Variants in HRH2 observed in about 807,000 individuals in gnomAD.
HRH2 encodes the protein histamine H2 receptor.
A neutral mutation model predicts 20.1 loss-of-function variants in HRH2; 4 were observed. That is an observed-to-expected ratio of 0.20 (90% CI 0.10 to 0.45). The LOEUF (loss-of-function observed/expected upper bound fraction) is 0.45, where lower values mean the gene tolerates loss of function less well. Ranked by LOEUF, HRH2 falls within the 20% of genes least tolerant of loss-of-function variation. HRH2 has a pLI of 0.99. For missense variants in HRH2, 250 were observed against 461.6 expected, an observed-to-expected ratio of 0.54 and a Z score of 4.20; for synonymous variants, 197 against 200.7, an observed-to-expected ratio of 0.98 and a Z score of 0.16.
intron 2 of HRH2, among the ~76,000 whole-genome samples, chr5:175,700,679 T>C (rs1221151050): frequency 1.3e-5 from 2 of 152,072 alleles, no homozygotes; most frequent in Non-Finnish European, 2.9e-5. Context: ...ACAAGGTCAG[T>C]TCGAGACCAG....
At position 175,710,493 on chromosome 5, in the gene HRH2, T is replaced by G. The variant is rs998139173; in HGVS notation, c.*2522T>G. 1 of 152,258 alleles carries G rather than the reference T, an allele frequency of 6.6e-6. No individual in the cohort carries two copies. Among genetic ancestry groups the G allele is most frequent in the African/African-American group, 2.4e-5 (1 of 41,456 alleles). 9.4% of individuals were successfully genotyped at this position (152,258 alleles called of 1,614,324 possible). A position where few individuals can be genotyped will look rare whatever the true frequency, so the allele number is the denominator to read the frequency against. ...GGCAGGTCTCTCAGTCACGGCCACA[T>G]GACCTCAAGTGAAAACAAACCAGTC... On this transcript the variant is annotated 3_prime_UTR_variant, in exon 3 of 3. Coordinates refer to ENST00000636584, the MANE Select transcript of HRH2 (RefSeq NM_001367711.1).
At chr5:175,701,952 G>A (rs1756800625) in intron 2 of HRH2, among the ~76,000 whole-genome samples, 1 of 152,228 alleles carries the variant, frequency 6.6e-6, no homozygotes, top group Non-Finnish European at 1.5e-5. Context: ...GGTTGAAGAA[G>A]ATTAAACCTA....
intron 1 of HRH2, among the ~76,000 whole-genome samples, chr5:175,661,221 C>A (rs1447404968): frequency 6.6e-6 from 1 of 152,104 alleles, no homozygotes; most frequent in African/African-American, 2.4e-5. Context: ...CCACAGTTTA[C>A]AGGTATGCTC....
intron 2 of HRH2, among the ~76,000 whole-genome samples, chr5:175,702,167 G>A (rs190057468): frequency 1.0e-3 from 157 of 152,106 alleles, no homozygotes; most frequent in South Asian, 2.9e-3. Flanking sequence ...AAAATGCCTC[G>A]GATAATCACT....
intron 1 of HRH2, among the ~76,000 whole-genome samples, chr5:175,668,084 A>G (rs1441856354): frequency 6.6e-6 from 1 of 152,148 alleles, no homozygotes; most frequent in African/African-American, 2.4e-5. Context: ...CCAGGTGCTG[A>G]AAAGCCATGG....
intron 1 of HRH2, among the ~76,000 whole-genome samples, chr5:175,661,439 A>G (rs1475503868): frequency 6.6e-6 from 1 of 152,210 alleles, no homozygotes; most frequent in African/African-American, 2.4e-5. Flanking sequence ...CTATGTTCCC[A>G]TGATAACCCT....
intron 1 of HRH2, among the ~76,000 whole-genome samples, chr5:175,675,709 A>C (rs17572869): frequency 0.027 from 4,073 of 152,312 alleles, 73 homozygotes; most frequent in Non-Finnish European, 0.039. Context: ...ACTCCTAAGC[A>C]TGAGCTAGTC....
intron 1 of HRH2, among the ~76,000 whole-genome samples, chr5:175,674,340 A>G (rs908528789): frequency 2.0e-5 from 3 of 152,190 alleles, no homozygotes; most frequent in Non-Finnish European, 4.4e-5. Flanking sequence ...GAACATGACA[A>G]TCTCGCTATG....
chr5:175,660,094 C>A (rs914734628), intron 1 of HRH2, among the ~76,000 whole-genome samples: 8 of 152,128 alleles, frequency 5.3e-5, no homozygotes, highest in Admixed American at 5.2e-4. Flanking sequence ...GCGATGCGTC[C>A]GTGGGAAAAA....
chr5:175,673,704 T>G lies in HRH2; in HGVS notation c.-525-9005T>G, dbSNP rs191090316. Among the ~76,000 whole-genome samples the G allele has an allele frequency of 4.0e-3, 606 of 151,818 alleles. 3 individuals carry two copies. Among genetic ancestry groups the G allele is most frequent in the Middle Eastern group, 6.8e-3 (2 of 294 alleles). ...ATGTGAATTTCACCTCAGTTTTTTT[T>G]TTTTGTTTTTTTTTTTTTTGACGGA... is the stretch of plus-strand genomic sequence containing the variant. On this transcript the variant is annotated intron_variant, in intron 1 of 2. Transcript: ENST00000636584.
intron 1 of HRH2, among the ~76,000 whole-genome samples, chr5:175,666,039 C>T (rs1395015641): frequency 6.6e-6 from 1 of 152,214 alleles, no homozygotes; most frequent in Non-Finnish European, 1.5e-5. Context: ...TGGCACTGAG[C>T]CCATAGTGGC....
chr5:175,692,602 AT>A (rs948766377), intron 2 of HRH2, among the ~76,000 whole-genome samples: 17 of 151,992 alleles, frequency 1.1e-4, no homozygotes, highest in South Asian at 2.1e-4. Context: ...GCCTTTATTT[AT>A]TTTTTTTCCC....
At chr5:175,659,269 A>G (rs897486364) in intron 1 of HRH2, among the ~76,000 whole-genome samples, 1 of 152,158 alleles carries the variant, frequency 6.6e-6, no homozygotes, top group Non-Finnish European at 1.5e-5. Context: ...TCAGCACCTC[A>G]GTTTCCTTAT....
intron 2 of HRH2, chr5:175,704,107 ACT>A (rs1320636047): frequency 2.0e-5 from 3 of 152,164 alleles, no homozygotes; most frequent in African/African-American, 7.2e-5. Flanking sequence ...TCCTATATAA[ACT>A]CTCTCAGAGG....
chr5:175,683,935 G>A lies in HRH2; in HGVS notation c.702G>A (p.Val234=). 1.2e-6 allele frequency: 2 copies of A among 1,614,186 alleles called. No homozygotes were observed. The highest frequency in any genetic ancestry group is 1.1e-5 in the South Asian group (1 of 91,074). The stretch of plus-strand genomic sequence containing the variant: ...CCATCAGGGAGCACAAAGCCACAGT[G>A]ACACTGGCCGCCGTCATGGGGGCCT... ...AATIREHKAT[V]TLAAVMGAFI... Residue 234 remains valine (V), a synonymous_variant, in exon 2 of 3, where the codon GTG becomes GTA. Transcript: ENST00000636584.
intron 1 of HRH2, among the ~76,000 whole-genome samples, chr5:175,682,133 G>A (rs1278141815): frequency 6.6e-6 from 1 of 152,180 alleles, no homozygotes; most frequent in Non-Finnish European, 1.5e-5. Flanking sequence ...AGCTGCATTC[G>A]CACTGCAAAG....
chr5:175,658,307 C>T (rs1357974418), intron 1 of HRH2, among the ~76,000 whole-genome samples, 152 bp downstream of exon 1: 2 of 152,128 alleles, frequency 1.3e-5, no homozygotes, highest in East Asian at 3.9e-4. Context: ...CGAGCCTCGG[C>T]CCCACCGCTC....
intron 1 of HRH2, among the ~76,000 whole-genome samples, chr5:175,664,410 G>A (rs1409366167): frequency 2.6e-5 from 4 of 152,286 alleles, no homozygotes; most frequent in South Asian, 2.1e-4. Context: ...GCAGACAGGT[G>A]CATGGGAATG....
At chr5:175,667,225 C>A (rs1000831621) in intron 1 of HRH2, among the ~76,000 whole-genome samples, 3 of 152,050 alleles carry the variant, frequency 2.0e-5, no homozygotes, top group Non-Finnish European at 2.9e-5. Flanking sequence ...AGGCAGATCA[C>A]CTGAGGTCAG....
Sources: gnomAD v4.1 joint callset for allele counts (sites outside exome capture counted in the v4.1 genomes callset) on GRCh38, gnomAD v4.1.1 for gene constraint, MANE v1.5 for transcripts, NCBI Gene and HGNC (gene_info 2026-07-23, HGNC 2026-07-21) for gene names.